The following CACNA1C variants were observed in gnomAD, a reference collection of about 807,000 sequenced individuals.
CACNA1C encodes the protein voltage-dependent L-type calcium channel subunit alpha-1C.
In CACNA1C, 30 loss-of-function variants were observed where a neutral mutation model predicts 229.0. The observed-to-expected ratio is 0.13, with a 90% confidence interval of 0.10 to 0.18. The LOEUF (loss-of-function observed/expected upper bound fraction) is 0.18. Among genes scored for constraint, CACNA1C ranks in the 10% least tolerant of loss-of-function variants. The probability of loss-of-function intolerance (pLI) is 1.00; values close to 1 mark genes in which losing one functional copy is unlikely to be tolerated. For missense variants in CACNA1C, 1,658 were observed against 2,845.0 expected (o/e 0.58, Z 9.49); for synonymous variants, 1,114 against 1,132.5 (o/e 0.98, Z 0.33).
At chr12:2,619,270 A>T (rs534875953) in intron 29 of CACNA1C, among the ~76,000 whole-genome samples, 26 of 152,230 alleles carry the variant, frequency 1.7e-4, no homozygotes, top group Admixed American at 2.6e-4. Flanking sequence ...GAGTGAGGTC[A>T]TATCTACAGA....
intron 5 of CACNA1C, among the ~76,000 whole-genome samples, chr12:2,460,084 T>G (rs2154565510): frequency 6.6e-6 from 1 of 152,376 alleles, no homozygotes; most frequent in African/African-American, 2.4e-5. Flanking sequence ...TCAGCTGGAC[T>G]CTGGGCTTGA....
chr12:2,171,853 G>A (rs1447071806), intron 3 of CACNA1C, among the ~76,000 whole-genome samples: 1 of 152,122 alleles, frequency 6.6e-6, no homozygotes, highest in African/African-American at 2.4e-5. Flanking sequence ...ATTCCACTTG[G>A]GCTGTGACCC....
At chr12:2,316,167 G>A (rs1486371134) in intron 3 of CACNA1C, among the ~76,000 whole-genome samples, 1 of 152,254 alleles carries the variant, frequency 6.6e-6, no homozygotes, top group Non-Finnish European at 1.5e-5. Flanking sequence ...CCAATGTGGG[G>A]CAGGCCCCCA....
chr12:2,223,744 C>T (rs2062091051), intron 3 of CACNA1C, among the ~76,000 whole-genome samples: 1 of 152,092 alleles, frequency 6.6e-6, no homozygotes, highest in African/African-American at 2.4e-5. Context: ...TTCAATTGTA[C>T]CCTACGTACA....
chr12:2,006,236 C>T (rs11062059), intron 1 of CACNA1C, among the ~76,000 whole-genome samples: 22,928 of 151,816 alleles, frequency 0.15, 1,857 homozygotes, highest in East Asian at 0.21. Flanking sequence ...GGTGAAACCC[C>T]GTCTCTACTA....
At chr12:2,668,676 G>A (rs889772145) in intron 37 of CACNA1C, 4 of 435,414 alleles carry the variant, frequency 9.2e-6, no homozygotes, top group Non-Finnish European at 1.7e-5. Flanking sequence ...GAAGGGGGAG[G>A]GACCACACAC....
At chr12:2,207,155 A>G (rs923652566) in intron 3 of CACNA1C, among the ~76,000 whole-genome samples, 6 of 152,140 alleles carry the variant, frequency 3.9e-5, no homozygotes, top group African/African-American at 1.4e-4. Context: ...TCTTGGCTAC[A>G]TGTGTTGGAG....
chr12:1,997,360 G>A (rs1487230847), intron 1 of CACNA1C, among the ~76,000 whole-genome samples: 1 of 152,094 alleles, frequency 6.6e-6, no homozygotes, highest in Non-Finnish European at 1.5e-5. Context: ...AACCTCCGTT[G>A]CTACTAAAAA....
chr12:2,242,359 C>T (rs2070851094), intron 3 of CACNA1C, among the ~76,000 whole-genome samples: 2 of 152,184 alleles, frequency 1.3e-5, no homozygotes, highest in Admixed American at 6.5e-5. Context: ...GACACTTGGC[C>T]TCCGTGCTGG....
At chr12:2,375,532 A>G (rs965356343) in intron 3 of CACNA1C, among the ~76,000 whole-genome samples, 7 of 152,178 alleles carry the variant, frequency 4.6e-5, no homozygotes, top group Non-Finnish European at 7.3e-5. Context: ...ATACCATTCT[A>G]TGATTTACAA....
intron 3 of CACNA1C, among the ~76,000 whole-genome samples, chr12:2,393,240 C>G (rs1041100179): frequency 3.3e-5 from 5 of 152,102 alleles, no homozygotes; most frequent in African/African-American, 1.2e-4. Flanking sequence ...GCAAACCAAG[C>G]AGAAAATGCA....
At chr12:2,519,845 A>G (rs989271212) in intron 9 of CACNA1C, among the ~76,000 whole-genome samples, 3 of 152,234 alleles carry the variant, frequency 2.0e-5, no homozygotes, top group African/African-American at 7.2e-5. Context: ...GGGTCTGTTC[A>G]TTGGTAGCAC....
In CACNA1C at chr12:1,971,998, T is replaced by C. The variant is rs1592832801; in HGVS notation, c.139+797T>C. Among the ~76,000 whole-genome samples, 1 of 152,236 alleles carries C rather than the reference T, an allele frequency of 6.6e-6. No individual in the cohort carries two copies. Among genetic ancestry groups the C allele is most frequent in the Non-Finnish European group, 1.5e-5 (1 of 68,042 alleles). ...AGTGGATGATAAACACATAATTACA[T>C]GGGTAAAATTTAAATAGGCAGGACA... On this transcript the variant is annotated intron_variant, in intron 1 of 46. Transcript: ENST00000682462. This position sits in a 1 kb window ranked among gnomAD's most constrained non-coding sequence, Gnocchi z 4.2.
intron 1 of CACNA1C, among the ~76,000 whole-genome samples, chr12:2,098,507 C>G (rs1321374483): frequency 6.6e-6 from 1 of 152,112 alleles, no homozygotes; most frequent in Non-Finnish European, 1.5e-5. Context: ...ACCCACCTTC[C>G]CCATACAGTG....
intron 1 of CACNA1C, among the ~76,000 whole-genome samples, chr12:2,106,171 A>G (rs1410448800): frequency 1.9e-3 from 57 of 29,280 alleles, no homozygotes; most frequent in South Asian, 3.4e-3. Context: ...CCCACCCTGG[A>G]GAGAGTTTCC....
At chr12:2,634,194 C>CTTT (rs10713529) in intron 29 of CACNA1C, 103 bp from the exon 30 acceptor site, 16 of 184,034 alleles carry the variant, frequency 8.7e-5, no homozygotes, top group African/African-American at 3.9e-4. Context: ...TTTTCCATAC[C>CTTT]TTTTTTTTTT....
At position 2,403,196 on chromosome 12, in the gene CACNA1C, C is replaced by A. The variant is rs1423979335; in HGVS notation, c.478-45780C>A. On this transcript the variant is annotated intron_variant, in intron 3 of 46. Coordinates refer to ENST00000399655, the MANE Select transcript of CACNA1C (RefSeq NM_000719.7). The surrounding 1 kb of genome is among the most constrained non-coding windows in gnomAD (Gnocchi z 4.1). ...TGCTTTTAACAGCCTTCATTCTTTT[C>A]CAACTAGTGTCTCGCTGCCCTGCCC... Among the ~76,000 whole-genome samples the A allele has an allele frequency of 6.6e-6, 1 of 152,212 alleles. No homozygotes were observed. The highest frequency in any genetic ancestry group is 1.5e-5 in the Non-Finnish European group (1 of 68,032).
intron 3 of CACNA1C, among the ~76,000 whole-genome samples, chr12:2,279,527 T>C (rs539841818): frequency 2.2e-4 from 33 of 152,372 alleles, no homozygotes; most frequent in Middle Eastern, 3.4e-3. Context: ...AGGATTGTTA[T>C]GCACCCTTGA....
At chr12:2,641,235 T>A (rs553749729) in intron 30 of CACNA1C, among the ~76,000 whole-genome samples, 1 of 152,324 alleles carries the variant, frequency 6.6e-6, no homozygotes, top group African/African-American at 2.4e-5. Flanking sequence ...GAGCACCCGC[T>A]GTGTGATGTT....
Sources: allele counts gnomAD v4.1 joint callset (sites outside exome capture counted in the v4.1 genomes callset), GRCh38; gene constraint gnomAD v4.1.1; non-coding constraint Gnocchi (gnomAD v3.1); transcripts MANE v1.5; gene names NCBI Gene and HGNC (gene_info 2026-07-23, HGNC 2026-07-21).